PDE1A: variants seen among roughly 807,000 people sequenced by gnomAD.
PDE1A encodes phosphodiesterase 1A, also known as dual specificity calcium/calmodulin-dependent 3',5'-cyclic nucleotide phosphodiesterase 1A.
A neutral mutation model predicts 61.7 loss-of-function variants in PDE1A; 35 were observed. The observed-to-expected ratio is 0.57, with a 90% CI of 0.43 to 0.75. The LOEUF is 0.75. Ranked by LOEUF, PDE1A falls within the 30% of genes least tolerant of loss-of-function variation. The pLI, the probability that PDE1A is intolerant of heterozygous loss-of-function variation, is 0.00. For synonymous variants in PDE1A, 232 were observed against 213.2 expected (o/e 1.09, Z -0.77); for missense variants, 597 against 630.6 (o/e 0.95, Z 0.57).
the PDE1A span, among the ~76,000 whole-genome samples, chr2:182,544,884 A>G: frequency 6.6e-6 from 1 of 152,182 alleles, no homozygotes; most frequent in East Asian, 1.9e-4. Flanking sequence ...AGAAACAAAG[A>G]GGTAAAATTA....
chr2:182,518,717 G>C lies in PDE1A; in HGVS notation c.101+3559C>G, dbSNP rs998064401. On this transcript the variant is annotated intron_variant, in intron 2 of 14. Coordinates refer to the PDE1A transcript ENST00000410103. ...ATTACATTTTTGTCAGTAGTTTATG[G>C]TTTCTGGCAGTTCATACTTTCTTCT... 3.9e-5 allele frequency among the ~76,000 whole-genome samples: 6 copies of C among 152,156 alleles called. No homozygotes were observed. In the South Asian group the frequency reaches 1.2e-3, roughly 32 times the overall value.
chr2:182,505,120 C>T (rs34257247), intron 2 of PDE1A, among the ~76,000 whole-genome samples: 6 of 152,232 alleles, frequency 3.9e-5, no homozygotes, highest in African/African-American at 1.4e-4. Context: ...TCTCCACTCA[C>T]TAAGAATTCT....
At chr2:182,316,654 A>G (rs940332415) in intron 1 of PDE1A, among the ~76,000 whole-genome samples, 1 of 152,182 alleles carries the variant, frequency 6.6e-6, no homozygotes, top group Admixed American at 6.5e-5. Flanking sequence ...AATGATGAGT[A>G]TATCTTTTAA....
the PDE1A span, among the ~76,000 whole-genome samples, chr2:182,567,773 CT>C: frequency 5.4e-5 from 8 of 147,352 alleles, no homozygotes; most frequent in African/African-American, 7.5e-5. Flanking sequence ...TTAATGTTTA[CT>C]TTTTTTTTCT....
chr2:182,407,876 A>G (rs1300963221), intron 1 of PDE1A, among the ~76,000 whole-genome samples: 1 of 152,168 alleles, frequency 6.6e-6, no homozygotes, highest in Non-Finnish European at 1.5e-5. Flanking sequence ...AGTCATATGT[A>G]CATGTATGTA....
At chr2:182,201,448 A>G in exon 10 of PDE1A, 2 of 1,613,798 alleles carry the variant, frequency 1.2e-6, no homozygotes, top group Non-Finnish European at 1.7e-6. Context: ...CCTGCAGGAA[A>G]AACTCCTCCA....
At chr2:182,340,485 A>G (rs1698115059) in intron 1 of PDE1A, among the ~76,000 whole-genome samples, 2 of 152,202 alleles carry the variant, frequency 1.3e-5, no homozygotes, top group Admixed American at 1.3e-4. Flanking sequence ...TCACTTCATG[A>G]AATACCTCTT....
intron 2 of PDE1A, among the ~76,000 whole-genome samples, chr2:182,484,766 A>G (rs1187069060): frequency 6.6e-6 from 1 of 152,018 alleles, no homozygotes; most frequent in Non-Finnish European, 1.5e-5. Flanking sequence ...TGAAAAAAAA[A>G]GCTCAAAATC....
At chr2:182,565,689 A>C in the PDE1A span, among the ~76,000 whole-genome samples, 8 of 152,186 alleles carry the variant, frequency 5.3e-5, no homozygotes, top group Non-Finnish European at 1.2e-4. Flanking sequence ...GGAAGAAAAA[A>C]AAAGAATCTA....
intron 2 of PDE1A, among the ~76,000 whole-genome samples, chr2:182,441,345 A>G (rs924919834): frequency 8.6e-5 from 13 of 152,018 alleles, no homozygotes; most frequent in African/African-American, 3.1e-4. Flanking sequence ...ATTTTTATAT[A>G]TAATCATTTT....
the PDE1A span, among the ~76,000 whole-genome samples, chr2:182,569,609 A>G: frequency 1.3e-5 from 2 of 152,216 alleles, no homozygotes; most frequent in African/African-American, 4.8e-5. Context: ...CTTATATTTC[A>G]CTGGCAAAAG....
chr2:182,567,377 C>A, the PDE1A span, among the ~76,000 whole-genome samples: 1 of 152,176 alleles, frequency 6.6e-6, no homozygotes. Flanking sequence ...AAGTACTATT[C>A]ATTTACTTTT....
At chr2:182,181,467 C>T (rs761939159) in intron 13 of PDE1A, among the ~76,000 whole-genome samples, 1 of 152,162 alleles carries the variant, frequency 6.6e-6, no homozygotes, top group East Asian at 1.9e-4. Flanking sequence ...CTGGAAGCTT[C>T]AGCTCTCCTG....
At chr2:182,612,925 G>T in the PDE1A span, among the ~76,000 whole-genome samples, 4 of 152,200 alleles carry the variant, frequency 2.6e-5, no homozygotes, top group South Asian at 6.2e-4. Flanking sequence ...AATCTTATTC[G>T]TTTTTGCAGT....
intron 1 of PDE1A, among the ~76,000 whole-genome samples, chr2:182,364,136 G>A (rs1699672928): frequency 1.3e-5 from 2 of 151,904 alleles, no homozygotes; most frequent in Admixed American, 1.3e-4. Flanking sequence ...ACAAGGATAT[G>A]TTGGCTCTAA....
intron 2 of PDE1A, among the ~76,000 whole-genome samples, chr2:182,505,641 T>C (rs1159164756): frequency 2.0e-5 from 3 of 152,288 alleles, no homozygotes; most frequent in South Asian, 4.1e-4. Context: ...CATCCTCCAA[T>C]AGGTCTCACC....
At chr2:182,625,937 G>A in the PDE1A span, among the ~76,000 whole-genome samples, 1 of 152,138 alleles carries the variant, frequency 6.6e-6, no homozygotes, top group East Asian at 1.9e-4. Context: ...CAGGGAATTA[G>A]AAAGATTTAC....
intron 1 of PDE1A, among the ~76,000 whole-genome samples, chr2:182,414,780 G>A (rs1266337342): frequency 1.3e-5 from 2 of 152,040 alleles, no homozygotes; most frequent in Non-Finnish European, 2.9e-5. Flanking sequence ...TAGAGAGAGT[G>A]GGAAATGATG....
chr2:182,462,281 G>A (rs1042522324), intron 2 of PDE1A, among the ~76,000 whole-genome samples: 9 of 151,514 alleles, frequency 5.9e-5, no homozygotes, highest in Admixed American at 6.6e-5. Flanking sequence ...TTGTGCACAT[G>A]CACCCTAGAA....
Sources: allele counts gnomAD v4.1 joint callset (sites outside exome capture counted in the v4.1 genomes callset), GRCh38; gene constraint gnomAD v4.1.1; transcripts MANE v1.5; gene names NCBI Gene and HGNC (gene_info 2026-07-23, HGNC 2026-07-21).